SAP130: variants seen among roughly 807,000 people sequenced by gnomAD.
The protein encoded by SAP130 is histone deacetylase complex subunit SAP130.
Under a neutral mutation model 103.2 loss-of-function variants are expected in SAP130, and 16 were observed. The ratio of observed to expected loss-of-function variants is 0.16; its 90% CI spans 0.10 to 0.24. The LOEUF is 0.24. SAP130 is among the 10% of genes least tolerant of loss of function. The probability of loss-of-function intolerance (pLI) is 1.00; values close to 1 mark genes in which losing one functional copy is unlikely to be tolerated. For missense variants in SAP130, 990 were observed against 1,359.7 expected (o/e 0.73, Z 4.28); for synonymous variants, 477 against 497.0 (o/e 0.96, Z 0.53).
At chr2:127,975,461 G>A (rs1681396519) in intron 15 of SAP130, among the ~76,000 whole-genome samples, 1 of 152,218 alleles carries the variant, frequency 6.6e-6, no homozygotes, top group African/African-American at 2.4e-5. Context: ...ATATAAAAAG[G>A]AAGGTAAAGT....
rs183651414 is a variant in SAP130 at position 127,999,172 on chromosome 2, G to A, written c.1213+569C>T. ...GCTGAGCACCTACTTAAGGGCTGGT[G>A]TAGGCTGGTCACCCTAGAACAGGAG... On this transcript the variant is annotated intron_variant, in intron 10 of 20. Transcript: ENST00000643581. Among the ~76,000 whole-genome samples the A allele has an allele frequency of 1.9e-3, 282 of 152,300 alleles. 2 individuals carry two copies. The highest frequency in any genetic ancestry group is 6.4e-3 in the African/African-American group (266 of 41,558).
chr2:128,013,210 A>G, intron 5 of SAP130, 56 bp from the exon 6 acceptor site: 5 of 1,482,616 alleles, frequency 3.4e-6, no homozygotes, highest in Non-Finnish European at 4.5e-6. Flanking sequence ...CTGGGAAAAT[A>G]ATCAGTATGT....
At chr2:127,984,149 C>T (rs1406960168) in intron 14 of SAP130, among the ~76,000 whole-genome samples, 1 of 151,992 alleles carries the variant, frequency 6.6e-6, no homozygotes, top group African/African-American at 2.4e-5. Context: ...TTTTATCTTC[C>T]AACTCTTCTA....
rs1030086178 is a variant in SAP130 at position 127,993,036 on chromosome 2, T to C, written c.1477+151A>G. 12 of 1,013,360 alleles carry C rather than the reference T, an allele frequency of 1.2e-5. No homozygotes were observed. In the African/African-American group the frequency reaches 1.8e-4, roughly 15 times the overall value. 62.8% of individuals were successfully genotyped at this position (1,013,360 alleles called of 1,614,324 possible). A position where few individuals can be genotyped will look rare whatever the true frequency, so the allele number is the denominator to read the frequency against. On this transcript the variant is annotated intron_variant, in intron 12 of 20. Transcript: ENST00000643581. ...CTTTTATAGATCACAAAGATGATTA[T>C]TTAAGACCTTCAAGCTTCACATTTT... is the stretch of plus-strand genomic sequence containing the variant.
intron 10 of SAP130, among the ~76,000 whole-genome samples, chr2:127,997,185 A>G (rs1377948441): frequency 6.6e-6 from 1 of 152,236 alleles, no homozygotes; most frequent in Non-Finnish European, 1.5e-5. Flanking sequence ...TTTCAAATTC[A>G]ATCTGAGGCT....
intron 15 of SAP130, among the ~76,000 whole-genome samples, chr2:127,969,358 T>A (rs534161330): frequency 1.3e-5 from 2 of 152,342 alleles, no homozygotes; most frequent in East Asian, 3.9e-4. Flanking sequence ...AATGTATCAA[T>A]CTACTCTTGT....
At position 127,955,537 on chromosome 2, in the gene SAP130, A is replaced by C. The variant is rs998667255; in HGVS notation, c.2064-193T>G. Among the ~76,000 whole-genome samples the C allele has an allele frequency of 1.3e-5, 2 of 152,082 alleles. No homozygotes were observed. The highest frequency in any genetic ancestry group is 4.8e-5 in the African/African-American group (2 of 41,408). On this transcript the variant is annotated intron_variant, in intron 15 of 20. Transcript: ENST00000643581. The surrounding 1 kb of genome is among the most constrained non-coding windows in gnomAD (Gnocchi z 4.9). ...GGTCTCACTCTGTTACCCATGCTGG[A>C]GTGAAGTGGCGTGATCTTGGCTCAC... is the stretch of plus-strand genomic sequence containing the variant.
chr2:127,982,861 T>C (rs780901615), intron 14 of SAP130, among the ~76,000 whole-genome samples: 1 of 152,070 alleles, frequency 6.6e-6, no homozygotes, highest in Non-Finnish European at 1.5e-5. Flanking sequence ...GGTGGATCAA[T>C]GGACTGGAGG....
chr2:127,976,949 T>C (rs1573715380), intron 15 of SAP130, among the ~76,000 whole-genome samples: 3 of 152,112 alleles, frequency 2.0e-5, no homozygotes, highest in South Asian at 2.1e-4. Context: ...TACATGTGTA[T>C]GCAGAAAAAG....
intron 15 of SAP130, among the ~76,000 whole-genome samples, chr2:127,964,599 C>T (rs1183992696): frequency 6.6e-6 from 1 of 150,834 alleles, no homozygotes; most frequent in East Asian, 1.9e-4. Flanking sequence ...GAAGAAAGTT[C>T]ATGGCCTTAA....
chr2:127,995,566 TA>T (rs1199571131), intron 11 of SAP130, among the ~76,000 whole-genome samples: 1 of 152,238 alleles, frequency 6.6e-6, no homozygotes, highest in East Asian at 1.9e-4. Flanking sequence ...GAATGCCAGC[TA>T]ATATATATAG....
Position 127,989,565 on chromosome 2 carries a change from T to C in SAP130, c.1779A>G (p.Ser593=), listed in dbSNP as rs372682996. The C allele has an allele frequency of 1.9e-6, 3 of 1,597,682 alleles. No homozygotes were observed. The highest frequency in any genetic ancestry group is 2.6e-6 in the Non-Finnish European group (3 of 1,170,184). The part of the protein sequence containing the change: ...TQQPQPEGKT[S]AVVLADGATI... ...TTCTATGCAAAAATTTAAAATTACC[T>C]GAAGTCTTTCCTTCAGGCTGAGGCT... The change falls in exon 13 of 21, where the codon TCA becomes TCG. Residue 593 remains serine (S), a splice_region_variant and synonymous_variant. Coordinates refer to ENST00000643581, the MANE Select transcript of SAP130 (RefSeq NM_001330301.2). This position sits in a 1 kb window ranked among gnomAD's most constrained non-coding sequence, Gnocchi z 4.6.
chr2:128,009,246 G>A (rs953510684), intron 7 of SAP130, among the ~76,000 whole-genome samples: 2 of 152,068 alleles, frequency 1.3e-5, no homozygotes, highest in African/African-American at 4.8e-5. Flanking sequence ...GCGATGCGAG[G>A]ATCACTTGAG....
intron 4 of SAP130, among the ~76,000 whole-genome samples, chr2:128,016,112 C>T (rs993662435): frequency 6.6e-5 from 10 of 151,846 alleles, no homozygotes; most frequent in South Asian, 2.1e-4. Flanking sequence ...CTCAAGGACA[C>T]GGACTGTTTT....
At chr2:127,988,039 G>C (rs1178538357) in intron 13 of SAP130, among the ~76,000 whole-genome samples, 1 of 152,074 alleles carries the variant, frequency 6.6e-6, no homozygotes, top group African/African-American at 2.4e-5. Context: ...TGGGTAAATT[G>C]CATCTCTATC....
chr2:127,983,692 CTT>C (rs762587016), intron 14 of SAP130, among the ~76,000 whole-genome samples: 2 of 152,226 alleles, frequency 1.3e-5, no homozygotes, highest in African/African-American at 2.4e-5. Flanking sequence ...AGGCACATCT[CTT>C]TGTCTCCAGT....
intron 18 of SAP130, among the ~76,000 whole-genome samples, chr2:127,947,995 G>A (rs1329603846): frequency 1.3e-5 from 2 of 152,008 alleles, no homozygotes; most frequent in African/African-American, 2.4e-5. Flanking sequence ...TCACCATGTT[G>A]GCCAAGCTGG....
intron 16 of SAP130, among the ~76,000 whole-genome samples, chr2:127,950,810 G>A (rs1167200500): frequency 6.6e-6 from 1 of 152,160 alleles, no homozygotes; most frequent in Non-Finnish European, 1.5e-5. Context: ...AGACGAGATG[G>A]CTGCAGCATC....
intron 15 of SAP130, among the ~76,000 whole-genome samples, chr2:127,959,546 G>A (rs1680092037): frequency 6.6e-6 from 1 of 152,150 alleles, no homozygotes; most frequent in Non-Finnish European, 1.5e-5. Flanking sequence ...CAGTAACAAG[G>A]CAATGCCCCC....
Sources: allele counts gnomAD v4.1 joint callset (sites outside exome capture counted in the v4.1 genomes callset), GRCh38; gene constraint gnomAD v4.1.1; non-coding constraint Gnocchi (gnomAD v3.1); transcripts MANE v1.5; gene names NCBI Gene and HGNC (gene_info 2026-07-23, HGNC 2026-07-21).